Variants in APPBP2 observed in about 807,000 individuals in gnomAD.
APPBP2 encodes amyloid beta precursor protein binding protein 2.
A neutral mutation model predicts 76.0 loss-of-function variants in APPBP2; 15 were observed. The ratio of observed to expected loss-of-function variants is 0.20; its 90% CI spans 0.13 to 0.30. APPBP2 has a LOEUF of 0.30. Among genes scored for constraint, APPBP2 ranks in the 10% least tolerant of loss-of-function variants. APPBP2 has a pLI of 1.00. For synonymous variants in APPBP2, 222 were observed against 242.2 expected (o/e 0.92, Z 0.77); for missense variants, 401 against 687.2 (o/e 0.58, Z 4.66).
rs1479958929 is a variant in APPBP2 at position 60,526,130 on chromosome 17, A to AAAGTGGGACAG, written c.-210_-200dup. The AAAGTGGGACAG allele has an allele frequency of 3.4e-5, 20 of 585,566 alleles. No individual in the cohort carries two copies. Among genetic ancestry groups the AAAGTGGGACAG allele is most frequent in the Non-Finnish European group, 5.2e-5 (17 of 329,948 alleles). The allele number at this position is 585,566 out of a possible 1,614,324, so 36.3% of individuals were successfully genotyped here. A position where few individuals can be genotyped will look rare whatever the true frequency, so the allele number is the denominator to read the frequency against. ...CGGCAGCGGACGCAGGCCCGAGTAAAAAGTGGGACAGAAAACAGCGGCCAG... is the reference window on the plus strand; with the variant it reads ...CGGCAGCGGACGCAGGCCCGAGTAAAAAGTGGGACAGAAGTGGGACAGAAAACAGCGGCCAG... On this transcript the variant is annotated 5_prime_UTR_variant, in exon 1 of 13. Coordinates refer to ENST00000083182, the MANE Select transcript of APPBP2 (RefSeq NM_006380.5).
chr17:60,465,690 A>C (rs545075448), intron 5 of APPBP2, among the ~76,000 whole-genome samples: 12 of 152,192 alleles, frequency 7.9e-5, no homozygotes, highest in Non-Finnish European at 1.6e-4. Context: ...TGACAAAGCA[A>C]GATCCTGTCT....
chr17:60,482,967 A>T (rs2090642814), intron 3 of APPBP2, among the ~76,000 whole-genome samples: 1 of 152,174 alleles, frequency 6.6e-6, no homozygotes, highest in African/African-American at 2.4e-5. Flanking sequence ...TGCAGGGTCA[A>T]ATAGTATTTC....
At chr17:60,508,174 T>A (rs1333326470) in intron 1 of APPBP2, among the ~76,000 whole-genome samples, 1 of 152,086 alleles carries the variant, frequency 6.6e-6, no homozygotes, top group East Asian at 1.9e-4. Flanking sequence ...GTTCTCTGAT[T>A]TCAAAAAATT....
intron 1 of APPBP2, among the ~76,000 whole-genome samples, chr17:60,507,087 G>T (rs1415979133): frequency 6.6e-6 from 1 of 152,002 alleles, no homozygotes; most frequent in Non-Finnish European, 1.5e-5. Flanking sequence ...TAGATTCAGG[G>T]GTACATTTGC....
intron 12 of APPBP2, 38 bp downstream of exon 12, chr17:60,451,842 G>C (rs1392631418): frequency 7.2e-6 from 11 of 1,519,282 alleles, no homozygotes; most frequent in African/African-American, 1.4e-5. Flanking sequence ...ATGTTGATTT[G>C]TAATCAACTG....
At chr17:60,460,522 A>T (rs1442117335) in intron 9 of APPBP2, 141 bp downstream of exon 9, 1 of 862,090 alleles carries the variant, frequency 1.2e-6, no homozygotes, top group Non-Finnish European at 1.6e-6. Context: ...AGGCATTCTG[A>T]TAAAGCTCCA....
intron 1 of APPBP2, among the ~76,000 whole-genome samples, chr17:60,510,110 A>G (rs2090900035): frequency 1.3e-5 from 2 of 151,922 alleles, no homozygotes; most frequent in South Asian, 4.1e-4. Context: ...CTGATCTCAA[A>G]ACTCATCTGA....
intron 3 of APPBP2, among the ~76,000 whole-genome samples, chr17:60,487,650 A>G (rs1040716308): frequency 6.6e-6 from 1 of 152,154 alleles, no homozygotes; most frequent in Non-Finnish European, 1.5e-5. Flanking sequence ...ATCCTCCTTT[A>G]GCTTGGAGAA....
chr17:60,466,165 T>C, intron 5 of APPBP2, 126 bp downstream of exon 5: 1 of 896,266 alleles, frequency 1.1e-6, no homozygotes, highest in South Asian at 2.0e-5. Context: ...TACAAATGTG[T>C]ACTGCCTTAT....
chr17:60,454,359 C>A lies in APPBP2; in HGVS notation c.1281G>T (p.Gln427His). The A allele has an allele frequency of 6.2e-7, 1 of 1,609,208 alleles. No individual in the cohort carries two copies. Among genetic ancestry groups the A allele is most frequent in the South Asian group, 1.1e-5 (1 of 89,962 alleles). The change falls in exon 11 of 13, where the codon CAG becomes CAT. Residue 427 changes from glutamine to histidine, a missense_variant. Gln to His is a conservative substitution (Grantham distance 24). Coordinates refer to ENST00000083182, the MANE Select transcript of APPBP2 (RefSeq NM_006380.5). ...CAAGGTTTCCATAGTGTTTTGCAGT[C>A]TGTACATTAAATTCCCCAAAAGCTT... is the stretch of plus-strand genomic sequence containing the variant. The part of the protein sequence containing the change: ...AKKAFGEFNV[Q>H]TAKHYGNLGR...
chr17:60,486,016 A>G (rs1047958722), intron 3 of APPBP2, among the ~76,000 whole-genome samples: 2 of 152,158 alleles, frequency 1.3e-5, no homozygotes, highest in Admixed American at 6.6e-5. Flanking sequence ...GTTTTGAGCG[A>G]CTTTCTTAAT....
At chr17:60,521,143 G>A (rs2091006928) in intron 1 of APPBP2, among the ~76,000 whole-genome samples, 2 of 152,048 alleles carry the variant, frequency 1.3e-5, no homozygotes, top group Admixed American at 6.6e-5. Context: ...ATACCAAAAT[G>A]GTTGCACGCC....
intron 1 of APPBP2, among the ~76,000 whole-genome samples, chr17:60,525,363 G>A (rs1226135919): frequency 6.6e-6 from 1 of 152,250 alleles, no homozygotes; most frequent in Non-Finnish European, 1.5e-5. Flanking sequence ...AAGGAAGGCG[G>A]CGAGATGAGA....
intron 2 of APPBP2, among the ~76,000 whole-genome samples, chr17:60,497,814 G>A (rs1034596197): frequency 6.6e-6 from 1 of 151,886 alleles, no homozygotes; most frequent in Non-Finnish European, 1.5e-5. Context: ...GAAATAAAAT[G>A]GCAGTTAAAC....
intron 1 of APPBP2, among the ~76,000 whole-genome samples, chr17:60,514,879 T>C (rs760669130): frequency 6.6e-6 from 1 of 151,982 alleles, no homozygotes; most frequent in Non-Finnish European, 1.5e-5. Flanking sequence ...TCTCAGCTCA[T>C]TGCAACTGCC....
intron 4 of APPBP2, among the ~76,000 whole-genome samples, chr17:60,471,580 T>G (rs578052160): frequency 4.9e-5 from 7 of 143,110 alleles, no homozygotes; most frequent in East Asian, 2.0e-4. Flanking sequence ...GATAACTGGG[T>G]TTTTTTTTTT....
At chr17:60,494,435 G>A (rs766412869) in intron 3 of APPBP2, 31 bp downstream of exon 3, 5 of 1,594,690 alleles carry the variant, frequency 3.1e-6, no homozygotes, top group Non-Finnish European at 4.3e-6. Context: ...TCCATCACAG[G>A]ACAAAATACT....
At chr17:60,518,075 T>G (rs1352404440) in intron 1 of APPBP2, among the ~76,000 whole-genome samples, 3 of 151,566 alleles carry the variant, frequency 2.0e-5, no homozygotes, top group African/African-American at 7.3e-5. Flanking sequence ...TTCCTTTTTT[T>G]TTTTTTTTTT....
At chr17:60,459,245 G>A (rs141204412) in intron 9 of APPBP2, among the ~76,000 whole-genome samples, 1,603 of 152,206 alleles carry the variant, frequency 0.011, 9 homozygotes, top group Non-Finnish European at 0.018. Flanking sequence ...TTATTTCCAA[G>A]TCTTGCATTT....
Sources: gnomAD v4.1 joint callset for allele counts (sites outside exome capture counted in the v4.1 genomes callset) on GRCh38, gnomAD v4.1.1 for gene constraint, MANE v1.5 for transcripts, NCBI Gene and HGNC (gene_info 2026-07-23, HGNC 2026-07-21) for gene names.